DYNC2H1: variants seen among roughly 807,000 people sequenced by gnomAD.
DYNC2H1 encodes dynein cytoplasmic 2 heavy chain 1, also known as cytoplasmic dynein 2 heavy chain 1.
In DYNC2H1, 410 loss-of-function variants were observed where a neutral mutation model predicts 570.0. That is an observed-to-expected ratio of 0.72 (90% CI 0.66 to 0.78). The LOEUF is 0.78. DYNC2H1 is among the 30% of genes least tolerant of loss of function. The probability of loss-of-function intolerance (pLI) is 0.00; values close to 1 mark genes in which losing one functional copy is unlikely to be tolerated. For synonymous variants in DYNC2H1, 1,688 were observed against 1,677.6 expected (o/e 1.01, Z -0.15); for missense variants, 4,865 against 5,046.4 (o/e 0.96, Z 1.09).
chr11:103,126,395 G>T (rs534113188), intron 12 of DYNC2H1, among the ~76,000 whole-genome samples: 1 of 152,138 alleles, frequency 6.6e-6, no homozygotes, highest in Non-Finnish European at 1.5e-5. Flanking sequence ...GTTCCCTGAG[G>T]TATACTCTGC....
rs1249260229 is a variant in DYNC2H1, at chr11:103,470,703, A to G, written c.12765+1998A>G. On this transcript the variant is annotated intron_variant, in intron 88 of 88. Transcript: ENST00000375735. ...TCCTTGCGATAGTTTGCTGAGAATG[A>G]TGGTTTCCAGCTTCATCCATGACCC... Among the ~76,000 whole-genome samples the G allele has an allele frequency of 2.6e-5, 4 of 152,270 alleles. No homozygotes were observed. In the East Asian group the frequency reaches 7.7e-4, roughly 29 times the overall value.
At chr11:103,238,697 C>T (rs1408296582) in intron 63 of DYNC2H1, among the ~76,000 whole-genome samples, 2 of 152,116 alleles carry the variant, frequency 1.3e-5, no homozygotes, top group Admixed American at 6.6e-5. Context: ...TTTTATTGGT[C>T]TTACAAAGAT....
chr11:103,285,588 AT>A (rs946635068), intron 73 of DYNC2H1, among the ~76,000 whole-genome samples: 1 of 150,364 alleles, frequency 6.7e-6, no homozygotes, highest in Non-Finnish European at 1.5e-5. Flanking sequence ...AGCCTGACTA[AT>A]TTTTTTTGTA....
At chr11:103,115,758 C>T (rs888912258) in intron 4 of DYNC2H1, among the ~76,000 whole-genome samples, 1 of 152,148 alleles carries the variant, frequency 6.6e-6, no homozygotes, top group East Asian at 1.9e-4. Context: ...TGCACTCCAG[C>T]CTGGGCAAGA....
intron 17 of DYNC2H1, among the ~76,000 whole-genome samples, 161 bp downstream of exon 17, chr11:103,136,109 A>G (rs1591295760): frequency 1.3e-5 from 2 of 152,036 alleles, no homozygotes; most frequent in East Asian, 3.8e-4. Flanking sequence ...ACCTAGATTT[A>G]TACTTCAGAA....
rs1591642115 is a variant in DYNC2H1, at chr11:103,371,478, T to C, written c.12156+13119T>C. Among the ~76,000 whole-genome samples the C allele has an allele frequency of 3.3e-5, 5 of 152,182 alleles. No individual in the cohort carries two copies. The South Asian group carries it at 8.3e-4, about 25-fold the overall frequency. ...GTTGTAGAATACCAAGCAGATTTAA[T>C]TGAAAGAAGAGTACCTCAAGGCACT... On this transcript the variant is annotated intron_variant, in intron 83 of 88. Transcript: ENST00000375735.
At chr11:103,162,636 A>T (rs1475288333) in intron 29 of DYNC2H1, among the ~76,000 whole-genome samples, 1 of 152,136 alleles carries the variant, frequency 6.6e-6, no homozygotes, top group Non-Finnish European at 1.5e-5. Flanking sequence ...TTAGCCAGCC[A>T]TTTTGACCCT....
chr11:103,315,145 C>T (rs941522931), intron 79 of DYNC2H1, among the ~76,000 whole-genome samples: 63 of 152,028 alleles, frequency 4.1e-4, no homozygotes, highest in African/African-American at 1.4e-3. Flanking sequence ...ACACATACAG[C>T]TCAGATCAAT....
chr11:103,357,621 G>C (rs548791713), intron 82 of DYNC2H1, among the ~76,000 whole-genome samples: 2 of 152,252 alleles, frequency 1.3e-5, no homozygotes, highest in African/African-American at 2.4e-5. Context: ...GACACTGAGC[G>C]GTTATTAATT....
chr11:103,188,899 T>C (rs1336457233), intron 44 of DYNC2H1, among the ~76,000 whole-genome samples: 2 of 152,120 alleles, frequency 1.3e-5, no homozygotes, highest in African/African-American at 2.4e-5. Context: ...TAGTCTGTGT[T>C]CCAAAATGTC....
chr11:103,400,011 G>T, intron 84 of DYNC2H1, 139 bp downstream of exon 84: 1 of 684,702 alleles, frequency 1.5e-6, no homozygotes, highest in Admixed American at 3.1e-5. Flanking sequence ...AAAATTAATT[G>T]ACTGATGTAA....
At chr11:103,408,738 T>C (rs1183130145) in intron 84 of DYNC2H1, among the ~76,000 whole-genome samples, 1 of 152,050 alleles carries the variant, frequency 6.6e-6, no homozygotes, top group African/African-American at 2.4e-5. Context: ...TACACTGTTA[T>C]CCGTAGGGTA....
At chr11:103,370,774 A>G (rs1941113350) in intron 83 of DYNC2H1, among the ~76,000 whole-genome samples, 1 of 152,190 alleles carries the variant, frequency 6.6e-6, no homozygotes. Context: ...GGCTTGGAGT[A>G]CACCCTAAAG....
chr11:103,154,338 C>T (rs1238347822), intron 22 of DYNC2H1, 113 bp from the exon 23 acceptor site: 2 of 808,570 alleles, frequency 2.5e-6, no homozygotes, highest in Non-Finnish European at 3.6e-6. Flanking sequence ...ATTAAACATA[C>T]ACAAGTGTGT....
chr11:103,266,710 G>A (rs975876070), intron 70 of DYNC2H1, among the ~76,000 whole-genome samples: 4 of 152,176 alleles, frequency 2.6e-5, no homozygotes, highest in Non-Finnish European at 5.9e-5. Flanking sequence ...ATGGGCTGGT[G>A]CACAGCTATG....
chr11:103,308,330 G>T (rs1867402083), intron 78 of DYNC2H1, among the ~76,000 whole-genome samples: 1 of 152,068 alleles, frequency 6.6e-6, no homozygotes, highest in African/African-American at 2.4e-5. Context: ...TTAGCATGTG[G>T]CAGGATTTCC....
chr11:103,121,832 TC>T (rs1342296755), intron 10 of DYNC2H1, among the ~76,000 whole-genome samples: 1 of 152,184 alleles, frequency 6.6e-6, no homozygotes, highest in Non-Finnish European at 1.5e-5. Context: ...ACATCTGTAG[TC>T]CCAGCTACTC....
rs538677370 is a variant in DYNC2H1, at chr11:103,453,734, C to T, written c.12457-1452C>T. Reference sequence around the variant, plus strand: ...TGAAATAGTAGTATAGTTGGAAATACTTATTAAATGACTGTTTTAAAATAA... The same window carrying T: ...TGAAATAGTAGTATAGTTGGAAATATTTATTAAATGACTGTTTTAAAATAA... On this transcript the variant is annotated intron_variant, in intron 85 of 88. Coordinates refer to ENST00000375735, the MANE Select transcript of DYNC2H1 (RefSeq NM_001377.3). Among the ~76,000 whole-genome samples the T allele has an allele frequency of 4.2e-3, 626 of 150,486 alleles. 1 individual carries two copies. The highest frequency in any genetic ancestry group is 0.014 in the African/African-American group (590 of 41,048).
intron 47 of DYNC2H1, 34 bp from the exon 48 acceptor site, chr11:103,197,899 G>A: frequency 1.3e-6 from 2 of 1,552,276 alleles, no homozygotes; most frequent in Non-Finnish European, 1.7e-6. Flanking sequence ...TACGAGTAAT[G>A]CATATAAAAC....
Sources: gnomAD v4.1 joint callset for allele counts (sites outside exome capture counted in the v4.1 genomes callset) on GRCh38, gnomAD v4.1.1 for gene constraint, MANE v1.5 for transcripts, NCBI Gene and HGNC (gene_info 2026-07-23, HGNC 2026-07-21) for gene names.